NFAT5: variants seen among roughly 807,000 people sequenced by gnomAD.
The protein encoded by NFAT5 is nuclear factor of activated T-cells 5.
In NFAT5, 31 loss-of-function variants were observed where a neutral mutation model predicts 166.5. That is an observed-to-expected ratio of 0.19 (90% CI 0.14 to 0.25). NFAT5 has a LOEUF of 0.25. Among genes scored for constraint, NFAT5 ranks in the 10% least tolerant of loss-of-function variants. The probability of loss-of-function intolerance (pLI) is 1.00; values close to 1 mark genes in which losing one functional copy is unlikely to be tolerated. For missense variants in NFAT5, 1,449 were observed against 1,821.8 expected (o/e 0.80, Z 3.72); for synonymous variants, 612 against 639.7 (o/e 0.96, Z 0.65).
intron 2 of NFAT5, among the ~76,000 whole-genome samples, chr16:69,587,944 CTTTTTT>C (rs61460423): frequency 5.9e-5 from 4 of 68,250 alleles, no homozygotes; most frequent in South Asian, 1.1e-3. Context: ...ATAGTGCTTT[CTTTTTT>C]TTTTTTTTTT....
chr16:69,639,084 T>C (rs1028230457), intron 3 of NFAT5, among the ~76,000 whole-genome samples: 3 of 152,206 alleles, frequency 2.0e-5, no homozygotes, highest in African/African-American at 7.2e-5. Flanking sequence ...TATTAGTCTC[T>C]TCATTCAGTA....
chr16:69,693,973 C>G lies in NFAT5; in HGVS notation c.4148C>G (p.Pro1383Arg). 6.2e-7 allele frequency: 1 copy of G among 1,614,198 alleles called. No homozygotes were observed. Among genetic ancestry groups the G allele is most frequent in the Non-Finnish European group, 8.5e-7 (1 of 1,180,014 alleles). The change falls in exon 13 of 15, where the codon CCT becomes CGT. Residue 1383 changes from proline (P) to arginine (R), a missense_variant. This residue lies in a region of NFAT5 where 891 missense variants were observed against 993.0 expected (regional missense o/e 0.90). Transcript: ENST00000349945. ...CAGATTCAGTTGGTACAAGGGTCAC[C>G]TAGTTCTCAAGAGCAGCAAGTAACT... ...SPQIQLVQGS[P>R]SSQEQQVTLF...
At chr16:69,584,916 A>G (rs114088017) in intron 2 of NFAT5, among the ~76,000 whole-genome samples, 1,759 of 152,278 alleles carry the variant, frequency 0.012, 26 homozygotes, top group African/African-American at 0.037. Context: ...ATATATATAC[A>G]TGTATATATA....
chr16:69,692,625 T>C lies in NFAT5; in HGVS notation c.2800T>C (p.Phe934Leu). ...AGCTGCCCAGATTCAGTCAGAGTTA[T>C]TCCCTTCAACTGCTTCAGCAAATGG... is the stretch of plus-strand genomic sequence containing the variant. ...QAAAQIQSELFPSTASANGNL... is the reference protein window; with the variant it reads ...QAAAQIQSELLPSTASANGNL... Residue 934 changes from phenylalanine to leucine, a missense_variant, in exon 13 of 15, where the codon TTC becomes CTC. Phe to Leu is a conservative substitution (Grantham distance 22, BLOSUM62 0). This residue lies in a region of NFAT5 where 891 missense variants were observed against 993.0 expected (regional missense o/e 0.90). Transcript: ENST00000349945. The C allele has an allele frequency of 1.2e-6, 2 of 1,614,248 alleles. No individual in the cohort carries two copies. The highest frequency in any genetic ancestry group is 1.7e-6 in the Non-Finnish European group (2 of 1,180,036).
chr16:69,602,184 C>T (rs919653905), intron 2 of NFAT5, among the ~76,000 whole-genome samples: 1 of 151,456 alleles, frequency 6.6e-6, no homozygotes, highest in East Asian at 1.9e-4. Context: ...TAAAAATTTT[C>T]TAGCTAATTA....
chr16:69,617,940 T>G (rs1308546333), intron 2 of NFAT5, among the ~76,000 whole-genome samples: 1 of 150,326 alleles, frequency 6.7e-6, no homozygotes, highest in African/African-American at 2.4e-5. Context: ...GCGGATCACC[T>G]GAGGTCGGGA....
chr16:69,573,436 G>A (rs953206475), intron 2 of NFAT5, among the ~76,000 whole-genome samples: 1 of 151,818 alleles, frequency 6.6e-6, no homozygotes, highest in African/African-American at 2.4e-5. Flanking sequence ...ATACCTTTTT[G>A]GAAAGGATTT....
Position 69,692,676 on chromosome 16 carries a change from C to G in NFAT5, c.2851C>G (p.Gln951Glu). The G allele has an allele frequency of 6.2e-7, 1 of 1,614,164 alleles. No individual in the cohort carries two copies. Among genetic ancestry groups the G allele is most frequent in the Non-Finnish European group, 8.5e-7 (1 of 1,180,034 alleles). ...NGNLQQSPVY[Q>E]QTSHMMSALS... ...AAACCTTCAGCAATCGCCAGTTTACCAGCAGACTTCTCACATGATGAGTGC... is the reference window on the plus strand; with the variant it reads ...AAACCTTCAGCAATCGCCAGTTTACGAGCAGACTTCTCACATGATGAGTGC... The change falls in exon 13 of 15, where the codon CAG becomes GAG. Residue 951 changes from glutamine to glutamate, a missense_variant. By Grantham distance (29) the Gln-to-Glu change is conservative. Transcript: ENST00000349945.
chr16:69,619,701 C>T (rs2034116079), intron 2 of NFAT5, among the ~76,000 whole-genome samples: 1 of 152,154 alleles, frequency 6.6e-6, no homozygotes, highest in Non-Finnish European at 1.5e-5. Flanking sequence ...TTTCCTGTGG[C>T]TTATCTCCCT....
intron 7 of NFAT5, among the ~76,000 whole-genome samples, chr16:69,665,298 A>G (rs2036322013): frequency 6.8e-6 from 1 of 147,840 alleles, no homozygotes; most frequent in Admixed American, 6.9e-5. Flanking sequence ...TATTCAACAT[A>G]GTGTTGGAAG....
chr16:69,578,113 G>A (rs949911088), intron 2 of NFAT5, among the ~76,000 whole-genome samples: 12 of 152,108 alleles, frequency 7.9e-5, no homozygotes, highest in Admixed American at 2.0e-4. Flanking sequence ...TTAGGTATAA[G>A]TAATCTAGAG....
At chr16:69,601,334 A>G (rs906091494) in intron 2 of NFAT5, among the ~76,000 whole-genome samples, 1 of 152,172 alleles carries the variant, frequency 6.6e-6, no homozygotes, top group Non-Finnish European at 1.5e-5. Flanking sequence ...AAATATAGAT[A>G]CAATTTGTGA....
intron 2 of NFAT5, among the ~76,000 whole-genome samples, chr16:69,570,713 A>G (rs2016378435): frequency 6.6e-6 from 1 of 152,128 alleles, no homozygotes; most frequent in Non-Finnish European, 1.5e-5. Flanking sequence ...GTGCTGCAGG[A>G]GGCTACCGCT....
intron 2 of NFAT5, among the ~76,000 whole-genome samples, chr16:69,611,534 T>C (rs1164542511): frequency 6.6e-6 from 1 of 152,204 alleles, no homozygotes; most frequent in East Asian, 1.9e-4. Context: ...ACAATAGAAA[T>C]GTATTGCTGA....
At chr16:69,651,704 C>G (rs1450608559) in intron 4 of NFAT5, among the ~76,000 whole-genome samples, 5 of 144,502 alleles carry the variant, frequency 3.5e-5, no homozygotes, top group African/African-American at 5.2e-5. Flanking sequence ...GAGTTTTGCT[C>G]TTGTTGACCA....
intron 2 of NFAT5, among the ~76,000 whole-genome samples, chr16:69,611,311 T>C (rs939318480): frequency 6.6e-6 from 1 of 152,168 alleles, no homozygotes; most frequent in Non-Finnish European, 1.5e-5. Context: ...CAAAATTCTG[T>C]TTTAAGTATG....
At chr16:69,638,285 C>G (rs1243752808) in intron 3 of NFAT5, among the ~76,000 whole-genome samples, 2 of 152,156 alleles carry the variant, frequency 1.3e-5, no homozygotes, top group Non-Finnish European at 2.9e-5. Context: ...CAATTTATGA[C>G]TTCTGGTTTT....
intron 2 of NFAT5, among the ~76,000 whole-genome samples, chr16:69,585,725 C>T (rs951045247): frequency 4.6e-5 from 7 of 152,090 alleles, no homozygotes; most frequent in Non-Finnish European, 4.4e-5. Context: ...ATAAGCCAGA[C>T]AGAAAAGGAC....
chr16:69,653,294 T>C lies in NFAT5; in HGVS notation c.871T>C (p.Tyr291His). The change falls in exon 5 of 15, where the codon TAT becomes CAT. Residue 291 changes from tyrosine to histidine, a missense_variant. By Grantham distance (83) the Tyr-to-His change is moderately conservative. Around this residue, in one of 7 missense-constraint regions of NFAT5, gnomAD observed 115 missense variants for 177.1 expected, o/e 0.65. Coordinates refer to ENST00000349945, the MANE Select transcript of NFAT5 (RefSeq NM_138713.4). Reference protein sequence around the residue: ...VKKSPMLCGQYPVKSEGKELK... With the variant: ...VKKSPMLCGQHPVKSEGKELK... ...GAAGAGCCCTATGTTGTGTGGACAA[T>C]ATCCTGTTAAAAGTGAGGGAAAGGA... 6.2e-7 allele frequency: 1 copy of C among 1,612,042 alleles called. No homozygotes were observed. Among genetic ancestry groups the C allele is most frequent in the Non-Finnish European group, 8.5e-7 (1 of 1,179,442 alleles).
Sources: gnomAD v4.1 joint callset for allele counts (sites outside exome capture counted in the v4.1 genomes callset) on GRCh38, gnomAD v4.1.1 for gene constraint, gnomAD v4.1.1 regional missense constraint, MANE v1.5 for transcripts, NCBI Gene and HGNC (gene_info 2026-07-23, HGNC 2026-07-21) for gene names.